The following MZT1 variants were observed in gnomAD, a reference collection of about 807,000 sequenced individuals.
The protein encoded by MZT1 is mitotic spindle organizing protein 1.
Under a neutral mutation model 8.5 loss-of-function variants are expected in MZT1, and 8 were observed. The observed-to-expected ratio is 0.94, with a 90% CI of 0.55 to 1.70. The LOEUF (loss-of-function observed/expected upper bound fraction) is 1.70, where lower values mean the gene tolerates loss of function less well. MZT1 is among the 40% of genes most tolerant of loss of function. The probability of loss-of-function intolerance (pLI) is 0.00; values close to 1 mark genes in which losing one functional copy is unlikely to be tolerated. For missense variants in MZT1, 93 were observed against 108.6 expected (o/e 0.86, Z 0.64); for synonymous variants, 38 against 42.0 (o/e 0.90, Z 0.37).
At chr13:72,724,722 A>G (rs1247401036) in intron 1 of MZT1, among the ~76,000 whole-genome samples, 5 of 25,446 alleles carry the variant, frequency 2.0e-4, no homozygotes, top group Non-Finnish European at 8.5e-4. Context: ...ATATATACAT[A>G]TATATATATA....
chr13:72,727,482 T>C (rs1444235017), intron 1 of MZT1, 42 bp downstream of exon 1: 2 of 1,599,384 alleles, frequency 1.3e-6, no homozygotes, highest in Non-Finnish European at 1.7e-6. Context: ...GCCTTGGCTC[T>C]GGGAAGGCAC....
intron 2 of MZT1, among the ~76,000 whole-genome samples, chr13:72,717,809 C>T (rs2032550515): frequency 6.6e-6 from 1 of 152,120 alleles, no homozygotes; most frequent in Non-Finnish European, 1.5e-5. Flanking sequence ...CAGTTCTTTT[C>T]TCTTCTTTCT....
chr13:72,715,320 A>T (rs1451569543), intron 2 of MZT1, among the ~76,000 whole-genome samples: 3 of 152,082 alleles, frequency 2.0e-5, no homozygotes, highest in Non-Finnish European at 2.9e-5. Context: ...CTATAATCCC[A>T]TTGTGTCTTG....
At chr13:72,725,337 T>G (rs2032638290) in intron 1 of MZT1, among the ~76,000 whole-genome samples, 1 of 152,078 alleles carries the variant, frequency 6.6e-6, no homozygotes, top group Non-Finnish European at 1.5e-5. Flanking sequence ...TTATTCTAAA[T>G]TGGCAGAGAT....
intron 1 of MZT1, among the ~76,000 whole-genome samples, chr13:72,722,704 G>T (rs888789513): frequency 1.3e-5 from 2 of 152,144 alleles, no homozygotes; most frequent in Non-Finnish European, 2.9e-5. Context: ...CTTCAGTGAG[G>T]CAGGGTAGCA....
At chr13:72,726,981 T>C (rs1184276786) in intron 1 of MZT1, among the ~76,000 whole-genome samples, 1 of 152,186 alleles carries the variant, frequency 6.6e-6, no homozygotes, top group Admixed American at 6.5e-5. Context: ...AAGAGGAAAC[T>C]AGGATAATTA....
chr13:72,722,848 T>C (rs984773542), intron 1 of MZT1, among the ~76,000 whole-genome samples: 2 of 152,212 alleles, frequency 1.3e-5, no homozygotes, highest in Non-Finnish European at 2.9e-5. Flanking sequence ...ATCCTGATAA[T>C]TATATTTTCT....
intron 1 of MZT1, among the ~76,000 whole-genome samples, chr13:72,726,863 G>C (rs1388140499): frequency 6.6e-6 from 1 of 151,916 alleles, no homozygotes; most frequent in African/African-American, 2.4e-5. Flanking sequence ...GTAACCGCAA[G>C]ACACAAATTT....
rs139584258 is a variant in MZT1 at position 72,717,238 on chromosome 13, T to C, written c.225+1714A>G. Among the ~76,000 whole-genome samples the C allele has an allele frequency of 1.1e-3, 174 of 152,338 alleles. 2 individuals carry two copies. The East Asian group carries it at 0.022, about 19-fold the overall frequency. ...AAATCAGGCTACACCTTCCACAATTTGCTTGGAAATTTCCTCAATGAAATA... is the reference window on the plus strand; with the variant it reads ...AAATCAGGCTACACCTTCCACAATTCGCTTGGAAATTTCCTCAATGAAATA... On this transcript the variant is annotated intron_variant, in intron 2 of 2. Transcript: ENST00000377818.
intron 1 of MZT1, among the ~76,000 whole-genome samples, chr13:72,720,354 C>A (rs1365260161): frequency 6.6e-6 from 1 of 152,162 alleles, no homozygotes; most frequent in Admixed American, 6.5e-5. Context: ...TTTATATAAG[C>A]CATTTTATTC....
chr13:72,726,136 A>G (rs1206928572), intron 1 of MZT1, among the ~76,000 whole-genome samples: 2 of 151,212 alleles, frequency 1.3e-5, no homozygotes, highest in Non-Finnish European at 2.9e-5. Context: ...CAAGTGCTAC[A>G]TAAGAAAATG....
At chr13:72,721,376 T>A (rs2032592492) in intron 1 of MZT1, among the ~76,000 whole-genome samples, 1 of 152,218 alleles carries the variant, frequency 6.6e-6, no homozygotes, top group Admixed American at 6.5e-5. Flanking sequence ...ACAGGCACTA[T>A]CCTCAGCCCT....
chr13:72,720,934 TA>T (rs35737085), intron 1 of MZT1, among the ~76,000 whole-genome samples: 18 of 149,656 alleles, frequency 1.2e-4, no homozygotes, highest in Non-Finnish European at 1.9e-4. Context: ...ATTTGAGTCT[TA>T]AAAAAAAAAA....
intron 2 of MZT1, among the ~76,000 whole-genome samples, chr13:72,717,347 T>TC (rs1483225224): frequency 2.0e-5 from 3 of 151,558 alleles, no homozygotes; most frequent in African/African-American, 4.8e-5. Flanking sequence ...CTTTTTTTTT[T>TC]TTTTTTTTTT....
At chr13:72,727,184 G>C (rs1256034994) in intron 1 of MZT1, among the ~76,000 whole-genome samples, 1 of 152,226 alleles carries the variant, frequency 6.6e-6, no homozygotes, top group Admixed American at 6.5e-5. Context: ...GTACTGGGTG[G>C]GGTGGGCGTG....
At position 72,708,396 on chromosome 13, in the gene MZT1, T is replaced by C. The variant is rs1035996200; in HGVS notation, c.*1926A>G. 5 of 152,588 alleles carry C rather than the reference T, an allele frequency of 3.3e-5. No individual in the cohort carries two copies. Among genetic ancestry groups the C allele is most frequent in the African/African-American group, 1.2e-4 (5 of 41,438 alleles). The allele number at this position is 152,588 out of a possible 1,614,324, so 9.5% of individuals were successfully genotyped here. ...ACCAAAATGGTTTTATTTTTGTCAT[T>C]GACAACAAGCACAACACTGCAATTG... On this transcript the variant is annotated 3_prime_UTR_variant, in exon 3 of 3. Coordinates refer to ENST00000377818, the MANE Select transcript of MZT1 (RefSeq NM_001071775.3).
chr13:72,726,640 G>T (rs1474722020), intron 1 of MZT1, among the ~76,000 whole-genome samples: 2 of 150,872 alleles, frequency 1.3e-5, no homozygotes, highest in Non-Finnish European at 2.9e-5. Flanking sequence ...CAAGAGAGAG[G>T]CCATCTGAAA....
chr13:72,709,686 C>T lies in MZT1; in HGVS notation c.*636G>A, dbSNP rs1327185315. 1 of 151,962 alleles carries T rather than the reference C, an allele frequency of 6.6e-6. No homozygotes were observed. Among genetic ancestry groups the T allele is most frequent in the Non-Finnish European group, 1.5e-5 (1 of 67,910 alleles). The allele number at this position is 151,962 out of a possible 1,614,324, so 9.4% of individuals were successfully genotyped here. A position where few individuals can be genotyped will look rare whatever the true frequency, so the allele number is the denominator to read the frequency against. On this transcript the variant is annotated 3_prime_UTR_variant, in exon 3 of 3. Coordinates refer to ENST00000377818, the MANE Select transcript of MZT1 (RefSeq NM_001071775.3). ...ATTTTTTTACTCAATACAAAAATGA[C>T]CTGGTTCACACTATTAGCTGCCCAA... is the stretch of plus-strand genomic sequence containing the variant.
chr13:72,726,857 C>T lies in MZT1; in HGVS notation c.79+667G>A, dbSNP rs1303129181. 2.0e-5 allele frequency among the ~76,000 whole-genome samples: 3 copies of T among 151,886 alleles called. No homozygotes were observed. In the South Asian group the frequency reaches 6.2e-4, roughly 32 times the overall value. On this transcript the variant is annotated intron_variant, in intron 1 of 2. Coordinates refer to ENST00000377818, the MANE Select transcript of MZT1 (RefSeq NM_001071775.3). ...ACATTAGAGGGTAGACAGAGGGTAA[C>T]CGCAAGACACAAATTTCGTGTTCTG...
Sources: gnomAD v4.1 joint callset for allele counts (sites outside exome capture counted in the v4.1 genomes callset) on GRCh38, gnomAD v4.1.1 for gene constraint, MANE v1.5 for transcripts, NCBI Gene and HGNC (gene_info 2026-07-23, HGNC 2026-07-21) for gene names.